The following TOP6BL variants were observed in gnomAD, a reference collection of about 807,000 sequenced individuals.
The protein encoded by TOP6BL is TOP6B like initiator of meiotic double strand breaks, also known as type 2 DNA topoisomerase 6 subunit B-like.
At chr11:66,797,241 C>A in the TOP6BL span, among the ~76,000 whole-genome samples, 1 of 152,034 alleles carries the variant, frequency 6.6e-6, no homozygotes, top group Non-Finnish European at 1.5e-5. Context: ...CTCAGGTGAT[C>A]CACACACCTC....
chr11:66,757,988 C>A, the TOP6BL span: 1 of 264,900 alleles, frequency 3.8e-6, no homozygotes, highest in Non-Finnish European at 5.8e-6. Flanking sequence ...TTGCCTCTCA[C>A]TCTAGTTCCG....
the TOP6BL span, among the ~76,000 whole-genome samples, chr11:66,795,005 G>A: frequency 6.6e-6 from 1 of 151,868 alleles, no homozygotes; most frequent in Admixed American, 6.6e-5. Context: ...ATGATGGCAC[G>A]CACCTGTAGT....
At chr11:66,801,133 C>T in the TOP6BL span, 1 of 1,592,910 alleles carries the variant, frequency 6.3e-7, no homozygotes, top group Non-Finnish European at 8.6e-7. Flanking sequence ...TGTCCCTCTG[C>T]ATGTTTTACT....
the TOP6BL span, among the ~76,000 whole-genome samples, chr11:66,745,193 A>G: frequency 6.6e-6 from 1 of 151,988 alleles, no homozygotes; most frequent in African/African-American, 2.4e-5. Flanking sequence ...ACCCAGGGGC[A>G]GAGCCTGACG....
the TOP6BL span, among the ~76,000 whole-genome samples, chr11:66,834,757 C>G: frequency 1.3e-5 from 2 of 152,142 alleles, no homozygotes; most frequent in Non-Finnish European, 2.9e-5. Flanking sequence ...TCATGGTGCA[C>G]TACAGCCTCG....
chr11:66,818,260 C>T, the TOP6BL span, among the ~76,000 whole-genome samples: 67 of 152,308 alleles, frequency 4.4e-4, 2 homozygotes, highest in South Asian at 7.7e-3. Flanking sequence ...CTTCTACCTT[C>T]CTTCTGAGCC....
At chr11:66,779,391 CA>C in the TOP6BL span, among the ~76,000 whole-genome samples, 298 of 151,464 alleles carry the variant, frequency 2.0e-3, 1 homozygote, top group African/African-American at 7.0e-3. Context: ...TTTATGCAGC[CA>C]AAAAAAACAC....
chr11:66,805,555 G>A, the TOP6BL span, among the ~76,000 whole-genome samples: 5 of 151,296 alleles, frequency 3.3e-5, no homozygotes, highest in Non-Finnish European at 4.4e-5. Flanking sequence ...TCTGCTTCCC[G>A]GACTCAAACC....
the TOP6BL span, among the ~76,000 whole-genome samples, chr11:66,813,307 C>T: frequency 8.5e-5 from 13 of 152,100 alleles, no homozygotes; most frequent in East Asian, 9.6e-4. Context: ...CCATGTGAAC[C>T]GGATGAATAA....
At chr11:66,783,413 A>G in the TOP6BL span, among the ~76,000 whole-genome samples, 1 of 152,228 alleles carries the variant, frequency 6.6e-6, no homozygotes, top group East Asian at 1.9e-4. Context: ...ATAAGTAAGT[A>G]AAAGAGTCCA....
the TOP6BL span, chr11:66,821,669 C>T: frequency 2.5e-6 from 4 of 1,610,608 alleles, no homozygotes; most frequent in African/African-American, 4.0e-5. Context: ...CACAACTCAT[C>T]TCAATGCCAT....
chr11:66,744,832 G>GGCT, the TOP6BL span: 1 of 1,327,536 alleles, frequency 7.5e-7, no homozygotes, highest in Non-Finnish European at 9.7e-7. Flanking sequence ...CGGCGGCGGC[G>GGCT]GCGGCGGCGG....
the TOP6BL span, among the ~76,000 whole-genome samples, chr11:66,819,953 C>T: frequency 2.6e-5 from 4 of 151,376 alleles, no homozygotes; most frequent in East Asian, 7.7e-4. Flanking sequence ...GTGGTGTACA[C>T]CTGTGGTCCC....
chr11:66,836,905 C>T, the TOP6BL span, among the ~76,000 whole-genome samples: 2 of 150,158 alleles, frequency 1.3e-5, no homozygotes, highest in Admixed American at 6.6e-5. Flanking sequence ...TTCACCATGT[C>T]GGTCAGGCTG....
At chr11:66,746,070 C>G in the TOP6BL span, among the ~76,000 whole-genome samples, 1 of 152,114 alleles carries the variant, frequency 6.6e-6, no homozygotes, top group Non-Finnish European at 1.5e-5. Context: ...CTCCGCCTCC[C>G]AAAGTGCTGG....
the TOP6BL span, among the ~76,000 whole-genome samples, chr11:66,752,507 A>G: frequency 6.6e-6 from 1 of 151,932 alleles, no homozygotes; most frequent in Non-Finnish European, 1.5e-5. Context: ...GGTGGAGTGT[A>G]GTGGCATGAT....
the TOP6BL span, chr11:66,744,999 G>C: frequency 5.7e-6 from 7 of 1,219,128 alleles, no homozygotes; most frequent in South Asian, 4.1e-5. Flanking sequence ...AGTTTGGGCA[G>C]AGGGGTCGGG....
chr11:66,828,298 G>A, the TOP6BL span: 3 of 1,613,774 alleles, frequency 1.9e-6, no homozygotes, highest in Admixed American at 5.0e-5. Flanking sequence ...GGACCAAACT[G>A]CACAAAGTAT....
At chr11:66,823,267 C>T in the TOP6BL span, among the ~76,000 whole-genome samples, 1 of 145,838 alleles carries the variant, frequency 6.9e-6, no homozygotes, top group Non-Finnish European at 1.5e-5. Flanking sequence ...GTACTCCAGC[C>T]CAGGTGACAA....
Sources: gnomAD v4.1 joint callset for allele counts (sites outside exome capture counted in the v4.1 genomes callset) on GRCh38, gnomAD v4.1.1 for gene constraint, MANE v1.5 for transcripts, NCBI Gene and HGNC (gene_info 2026-07-23, HGNC 2026-07-21) for gene names.